ARHGEF17: variants seen among roughly 807,000 people sequenced by gnomAD.
The protein encoded by ARHGEF17 is 164 kDa Rho-specific guanine-nucleotide exchange factor.
In ARHGEF17, 80 loss-of-function variants were observed where a neutral mutation model predicts 174.0. The observed-to-expected ratio is 0.46, with a 90% CI of 0.38 to 0.55. ARHGEF17 has a LOEUF of 0.55. Ranked by LOEUF, ARHGEF17 falls within the 20% of genes least tolerant of loss-of-function variation. ARHGEF17 has a pLI of 0.00. For missense variants in ARHGEF17, 2,886 were observed against 2,839.7 expected (o/e 1.02, Z -0.37); for synonymous variants, 1,311 against 1,189.1 (o/e 1.10, Z -2.11).
chr11:73,358,708 C>T (rs1281852968), intron 9 of ARHGEF17, among the ~76,000 whole-genome samples: 4 of 151,744 alleles, frequency 2.6e-5, no homozygotes, highest in African/African-American at 9.7e-5. Context: ...TTGTGATCTG[C>T]CCACCTCGGC....
At chr11:73,363,710 C>G (rs1393987138) in intron 15 of ARHGEF17, 37 bp from the exon 16 acceptor site, 1 of 1,609,208 alleles carries the variant, frequency 6.2e-7, no homozygotes, top group Admixed American at 1.7e-5. Flanking sequence ...CTGGTGTGCC[C>G]CAAGCATTTG....
At chr11:73,320,582 A>G (rs1321203793) in intron 1 of ARHGEF17, among the ~76,000 whole-genome samples, 1 of 140,924 alleles carries the variant, frequency 7.1e-6, no homozygotes, top group African/African-American at 2.8e-5. Flanking sequence ...AGATTGCACT[A>G]CTGCACTCCA....
intron 1 of ARHGEF17, among the ~76,000 whole-genome samples, chr11:73,314,791 T>A (rs1033710620): frequency 1.3e-5 from 2 of 152,022 alleles, no homozygotes; most frequent in African/African-American, 2.4e-5. Flanking sequence ...GTAGCCTGGT[T>A]GGTCAACAAC....
chr11:73,324,997 G>A (rs1301005929), intron 1 of ARHGEF17, among the ~76,000 whole-genome samples: 1 of 151,666 alleles, frequency 6.6e-6, no homozygotes. Flanking sequence ...GCTTTCTGCT[G>A]GCGGAGAGAA....
chr11:73,311,454 G>A lies in ARHGEF17; in HGVS notation c.2816G>A (p.Gly939Asp). 6.2e-7 allele frequency: 1 copy of A among 1,613,342 alleles called. No individual in the cohort carries two copies. ...SSHQELRRDE[G>D]SQDQTGSLSR... is the part of the protein sequence containing the mutation. ...CACCAGGAGCTTCGGAGAGACGAGG[G>A]CAGTCAGGACCAGACTGGCAGCCTG... Residue 939 changes from glycine (G) to aspartate (D), a missense_variant, in exon 1 of 21, where the codon GGC becomes GAC. Physicochemically the swap from Gly to Asp is moderately conservative, Grantham distance 94. Around this residue, in one of 4 missense-constraint regions of ARHGEF17, gnomAD observed 1,728 missense variants for 1,461.2 expected, o/e 1.18. Transcript: ENST00000263674.
chr11:73,365,910 C>T lies in ARHGEF17; in HGVS notation c.5958C>T (p.Asn1986=), dbSNP rs138715838. The change falls in exon 20 of 21, where the codon AAC becomes AAT. Residue 1986 remains asparagine (N), a synonymous_variant. Transcript: ENST00000263674. This position sits in a 1 kb window ranked among gnomAD's most constrained non-coding sequence, Gnocchi z 4.9. ...LAAVQLPDGF[N]LLCPTPPPPP... is the part of the protein sequence containing the mutation. ...CAGTCCAGCTGCCAGATGGCTTCAA[C>T]CTGCTCTGCCCAACCCCACCACCTC... The T allele has an allele frequency of 7.5e-6, 12 of 1,606,808 alleles. No individual in the cohort carries two copies. The highest frequency in any genetic ancestry group is 2.7e-5 in the African/African-American group (2 of 74,944).
At chr11:73,361,200 A>G (rs1865732372) in intron 12 of ARHGEF17, 39 bp downstream of exon 12, 1 of 1,592,776 alleles carries the variant, frequency 6.3e-7, no homozygotes, top group South Asian at 1.1e-5. Context: ...CATGTTTTCA[A>G]AGCCAGCAGG....
At chr11:73,362,773 G>A in intron 14 of ARHGEF17, 39 bp downstream of exon 14, 1 of 1,576,508 alleles carries the variant, frequency 6.3e-7, no homozygotes, top group Non-Finnish European at 8.6e-7. Flanking sequence ...GCCTTGGCAG[G>A]CAGGGTGGAC....
chr11:73,367,015 C>A (rs1865850650), intron 20 of ARHGEF17, among the ~76,000 whole-genome samples: 1 of 152,000 alleles, frequency 6.6e-6, no homozygotes, highest in African/African-American at 2.4e-5. Context: ...GCACTCCAGC[C>A]CAGGCAACAA....
Position 73,356,365 on chromosome 11 carries a change from G to GCCCCCCCCCCCCCCCCCC in ARHGEF17, c.3840+18_3840+19insCCCCCCCCCCCCCCCCCC. 1 of 1,593,356 alleles carries GCCCCCCCCCCCCCCCCCC rather than the reference G, an allele frequency of 6.3e-7. No individual in the cohort carries two copies. Among genetic ancestry groups the GCCCCCCCCCCCCCCCCCC allele is most frequent in the Admixed American group, 1.7e-5 (1 of 58,932 alleles). ...GGCATGGAGGATGTGCGTGCGCCCT[G>GCCCCCCCCCCCCCCCCCC]CCCCACCCCACCCTACCCCACCCCA... On this transcript the variant is annotated intron_variant, in intron 6 of 20. Transcript: ENST00000263674.
chr11:73,362,419 C>T lies in ARHGEF17; in HGVS notation c.4695-14C>T. 6 of 1,534,608 alleles carry T rather than the reference C, an allele frequency of 3.9e-6. No homozygotes were observed. The highest frequency in any genetic ancestry group is 5.2e-6 in the Non-Finnish European group (6 of 1,146,614). Reference sequence around the variant, plus strand: ...GCTCGTAGCTGCTGTCATCCTCACTCCGTCTTCTCGCAGGGAGCCTCCTCC... The same window carrying T: ...GCTCGTAGCTGCTGTCATCCTCACTTCGTCTTCTCGCAGGGAGCCTCCTCC... On this transcript the variant is annotated splice_polypyrimidine_tract_variant and intron_variant, in intron 13 of 20. Transcript: ENST00000263674.
At chr11:73,349,162 G>C (rs1865512242) in intron 2 of ARHGEF17, among the ~76,000 whole-genome samples, 2 of 152,170 alleles carry the variant, frequency 1.3e-5, no homozygotes, top group Admixed American at 1.3e-4. Flanking sequence ...GGGGTCCTTT[G>C]CCATCCCCTA....
chr11:73,336,431 G>A (rs375701812), intron 1 of ARHGEF17, among the ~76,000 whole-genome samples: 5 of 152,194 alleles, frequency 3.3e-5, no homozygotes, highest in South Asian at 2.1e-4. Flanking sequence ...CAGTGGGTAC[G>A]GGGGTCCCTT....
At chr11:73,344,733 G>A (rs1441341689) in intron 1 of ARHGEF17, among the ~76,000 whole-genome samples, 1 of 152,224 alleles carries the variant, frequency 6.6e-6, no homozygotes, top group Non-Finnish European at 1.5e-5. Flanking sequence ...CCATTTCATG[G>A]AAGAGAATGT....
chr11:73,362,461 C>G lies in ARHGEF17; in HGVS notation c.4723C>G (p.Pro1575Ala), dbSNP rs754614422. The G allele has an allele frequency of 1.9e-6, 3 of 1,586,344 alleles. No individual in the cohort carries two copies. In the African/African-American group the frequency reaches 4.0e-5, roughly 21 times the overall value. ...GCCTCCTCCGTCGCTGAGGAGTCCT[C>G]CAGAGACGGCACCGGAGCCCGCCGG... ...REPPPSLRSP[P>A]ETAPEPAGPE... Residue 1575 changes from proline to alanine, a missense_variant, in exon 14 of 21, where the codon CCA becomes GCA. Coordinates refer to ENST00000263674, the MANE Select transcript of ARHGEF17 (RefSeq NM_014786.4).
chr11:73,349,739 G>A (rs546269593), intron 2 of ARHGEF17, among the ~76,000 whole-genome samples: 1 of 152,328 alleles, frequency 6.6e-6, no homozygotes, highest in South Asian at 2.1e-4. Flanking sequence ...TTCTACCTCC[G>A]CCAAATCTCC....
chr11:73,326,331 G>A (rs971079895), intron 1 of ARHGEF17, among the ~76,000 whole-genome samples: 1 of 152,154 alleles, frequency 6.6e-6, no homozygotes, highest in Admixed American at 6.5e-5. Context: ...TGGTGTGTCT[G>A]GGGTACCATG....
At chr11:73,340,895 G>A (rs1865357506) in intron 1 of ARHGEF17, among the ~76,000 whole-genome samples, 1 of 152,186 alleles carries the variant, frequency 6.6e-6, no homozygotes, top group Admixed American at 6.5e-5. Context: ...GGAAGAGGAG[G>A]AGCAGGCTCC....
chr11:73,315,939 C>G (rs144443127), intron 1 of ARHGEF17, among the ~76,000 whole-genome samples: 4 of 151,836 alleles, frequency 2.6e-5, no homozygotes, highest in Non-Finnish European at 5.9e-5. Context: ...TTCCCTCCCA[C>G]CCTCCCATCT....
Sources: allele counts gnomAD v4.1 joint callset (sites outside exome capture counted in the v4.1 genomes callset), GRCh38; gene constraint gnomAD v4.1.1; regional missense constraint gnomAD v4.1.1; non-coding constraint Gnocchi (gnomAD v3.1); transcripts MANE v1.5; gene names NCBI Gene and HGNC (gene_info 2026-07-23, HGNC 2026-07-21).